Variants in MAP7 observed in about 807,000 individuals in gnomAD.
MAP7 encodes ensconsin.
Under a neutral mutation model 94.8 loss-of-function variants are expected in MAP7, and 52 were observed. That is an observed-to-expected ratio of 0.55 (90% CI 0.44 to 0.69). The LOEUF is 0.69. Ranked by LOEUF, MAP7 falls within the 30% of genes least tolerant of loss-of-function variation. MAP7 has a pLI of 0.00. For missense variants in MAP7, 940 were observed against 964.6 expected (o/e 0.97, Z 0.34); for synonymous variants, 350 against 357.0 (o/e 0.98, Z 0.22).
chr6:136,508,152 TC>T (rs1425352047), intron 1 of MAP7, among the ~76,000 whole-genome samples: 3 of 151,758 alleles, frequency 2.0e-5, no homozygotes, highest in African/African-American at 7.3e-5. Flanking sequence ...ATGGTGAAAC[TC>T]CATCTTTGCA....
intron 1 of MAP7, among the ~76,000 whole-genome samples, chr6:136,435,444 CA>C (rs1361631375): frequency 6.6e-6 from 1 of 152,194 alleles, no homozygotes; most frequent in African/African-American, 2.4e-5. Flanking sequence ...GCTTTCTAAT[CA>C]AATGTGAATA....
intron 1 of MAP7, among the ~76,000 whole-genome samples, chr6:136,476,364 T>G (rs555598923): frequency 1.5e-4 from 23 of 152,324 alleles, no homozygotes; most frequent in African/African-American, 5.5e-4. Flanking sequence ...GTTTCTTAGT[T>G]GCAGTAGCCA....
chr6:136,414,808 ATTTT>A (rs550449278), intron 2 of MAP7, among the ~76,000 whole-genome samples: 1 of 123,290 alleles, frequency 8.1e-6, no homozygotes. Context: ...CAATCAGCTA[ATTTT>A]TTTTTTTTTT....
At chr6:136,377,927 T>A in intron 6 of MAP7, 59 bp from the exon 7 acceptor site, 1 of 1,209,146 alleles carries the variant, frequency 8.3e-7, no homozygotes, top group Non-Finnish European at 1.2e-6. Flanking sequence ...CAAGAGGGCA[T>A]AATACATCGT....
intron 1 of MAP7, among the ~76,000 whole-genome samples, chr6:136,485,492 T>A (rs1394472759): frequency 6.6e-6 from 1 of 151,416 alleles, no homozygotes; most frequent in African/African-American, 2.4e-5. Context: ...ATTTAGAGGG[T>A]CACCTGATTG....
At chr6:136,508,186 A>G (rs930414393) in intron 1 of MAP7, among the ~76,000 whole-genome samples, 19 of 151,858 alleles carry the variant, frequency 1.3e-4, no homozygotes, top group Non-Finnish European at 1.9e-4. Flanking sequence ...TTAGCGGGGC[A>G]TGGTGGCGCA....
intron 11 of MAP7, among the ~76,000 whole-genome samples, chr6:136,362,004 C>T (rs547356327): frequency 1.3e-5 from 2 of 152,142 alleles, no homozygotes; most frequent in East Asian, 3.9e-4. Flanking sequence ...ACACACACTC[C>T]CATACTGTTG....
rs1829025022 is a variant in MAP7, at chr6:136,538,040, C to T, written c.67+12302G>A. On this transcript the variant is annotated intron_variant, in intron 1 of 17. Transcript: ENST00000354570. Reference sequence around the variant, plus strand: ...CGGGTGATCAGCCGGCCTCGGCCTCCCAAAGTGCTGGGATTACAGGCGTGA... The same window carrying T: ...CGGGTGATCAGCCGGCCTCGGCCTCTCAAAGTGCTGGGATTACAGGCGTGA... 5.3e-5 allele frequency among the ~76,000 whole-genome samples: 8 copies of T among 152,166 alleles called. No homozygotes were observed. In the South Asian group the frequency reaches 1.7e-3, roughly 31 times the overall value.
In MAP7 at chr6:136,360,862, G is replaced by T. The variant is rs1792462363; in HGVS notation, c.1702-64C>A. ...GCGGGCTGCCCGGGTCTCCCAGGGG[G>T]TGCCCAGAGGTGGGGGCGAGGTGGC... On this transcript the variant is annotated intron_variant, in intron 12 of 17. Coordinates refer to ENST00000354570, the MANE Select transcript of MAP7 (RefSeq NM_003980.6). 4 of 1,578,798 alleles carry T rather than the reference G, an allele frequency of 2.5e-6. No individual in the cohort carries two copies. The East Asian group carries it at 6.7e-5, about 26-fold the overall frequency.
At chr6:136,484,846 C>T (rs1814109680) in intron 1 of MAP7, among the ~76,000 whole-genome samples, 2 of 152,072 alleles carry the variant, frequency 1.3e-5, no homozygotes, top group Non-Finnish European at 2.9e-5. Flanking sequence ...CAGACAAGTA[C>T]CAGGCTAGGT....
intron 3 of MAP7, among the ~76,000 whole-genome samples, chr6:136,405,926 C>T (rs576698525): frequency 6.6e-6 from 1 of 152,254 alleles, no homozygotes; most frequent in South Asian, 2.1e-4. Context: ...ATCTTACTCC[C>T]TTCTTGGAAT....
intron 2 of MAP7, chr6:136,419,782 T>G: frequency 4.0e-6 from 1 of 252,988 alleles, no homozygotes; most frequent in Non-Finnish European, 7.7e-6. Context: ...AGCAAAAGTT[T>G]TATTAAAGTT....
chr6:136,476,788 T>G (rs1583022207), intron 1 of MAP7, among the ~76,000 whole-genome samples: 1 of 152,320 alleles, frequency 6.6e-6, no homozygotes, highest in Non-Finnish European at 1.5e-5. Flanking sequence ...TGTATATATA[T>G]ACAAATCTGA....
At chr6:136,414,906 C>A (rs1212034982) in intron 2 of MAP7, among the ~76,000 whole-genome samples, 7 of 151,984 alleles carry the variant, frequency 4.6e-5, no homozygotes, top group African/African-American at 1.7e-4. Context: ...CCTCTGCCTC[C>A]TGGGTTTAAG....
intron 8 of MAP7, among the ~76,000 whole-genome samples, chr6:136,371,291 C>T (rs1222559027): frequency 6.6e-6 from 1 of 152,140 alleles, no homozygotes; most frequent in East Asian, 1.9e-4. Flanking sequence ...GCTCTTTTCC[C>T]CTGCCCAGTG....
chr6:136,487,593 C>T (rs555019379), intron 1 of MAP7, among the ~76,000 whole-genome samples: 1 of 151,738 alleles, frequency 6.6e-6, no homozygotes, highest in Non-Finnish European at 1.5e-5. Context: ...CTTGTAGTCC[C>T]AGATATTCAA....
intron 1 of MAP7, among the ~76,000 whole-genome samples, chr6:136,467,589 T>A (rs2128929262): frequency 6.6e-6 from 1 of 152,344 alleles, no homozygotes; most frequent in Admixed American, 6.5e-5. Flanking sequence ...GAGTTTATCA[T>A]TTTTTAGTCA....
rs1037104534 is a variant in MAP7, at chr6:136,361,103, C to A, written c.1603G>T (p.Glu535Ter). Residue 535 changes from glutamate (E) to a stop codon, truncating the protein, a stop_gained, in exon 12 of 18, where the codon GAA (glutamate) becomes TAA (stop). Transcript: ENST00000354570. LOFTEE classifies it high-confidence loss of function. ...TRREEESRRL[E>*]AEQAREKEEQ... Reference sequence around the variant, plus strand: ...TCCTTCTCCCGGGCCTGCTCGGCTTCCAGCCTGCGCGACTCCTCCTCACGG... The same window carrying A: ...TCCTTCTCCCGGGCCTGCTCGGCTTACAGCCTGCGCGACTCCTCCTCACGG... 4 of 1,605,322 alleles carry A rather than the reference C, an allele frequency of 2.5e-6. No individual in the cohort carries two copies. Among genetic ancestry groups the A allele is most frequent in the Non-Finnish European group, 3.4e-6 (4 of 1,179,832 alleles).
chr6:136,357,536 C>T (rs946948729), intron 15 of MAP7, among the ~76,000 whole-genome samples: 1 of 152,152 alleles, frequency 6.6e-6, no homozygotes, highest in African/African-American at 2.4e-5. Flanking sequence ...ATTCTGTCAC[C>T]CAGGCTGCAG....
Sources: allele counts gnomAD v4.1 joint callset (sites outside exome capture counted in the v4.1 genomes callset), GRCh38; gene constraint gnomAD v4.1.1; transcripts MANE v1.5; gene names NCBI Gene and HGNC (gene_info 2026-07-23, HGNC 2026-07-21).